PRSS16: variants seen among roughly 807,000 people sequenced by gnomAD.
The protein encoded by PRSS16 is serine protease 16.
Under a neutral mutation model 61.7 loss-of-function variants are expected in PRSS16, and 43 were observed. That is an observed-to-expected ratio of 0.70 (90% CI 0.55 to 0.90). PRSS16 has a LOEUF of 0.90. Ranked by LOEUF, PRSS16 falls within the 40% of genes least tolerant of loss-of-function variation. The pLI, the probability that PRSS16 is intolerant of heterozygous loss-of-function variation, is 0.00. For missense variants in PRSS16, 591 were observed against 659.1 expected (o/e 0.90, Z 1.13); for synonymous variants, 273 against 285.2 (o/e 0.96, Z 0.43).
In PRSS16 at chr6:27,247,881, G is replaced by T. The variant is rs749306712; in HGVS notation, c.71-1G>T. The T allele has an allele frequency of 7.5e-6, 12 of 1,610,584 alleles. No homozygotes were observed. Among genetic ancestry groups the T allele is most frequent in the Non-Finnish European group, 1.0e-5 (12 of 1,178,370 alleles). ...GACTTCCTTCCCTCCATGTCCCACAGCCTCCCTTCTTAGGCGCCTGGGTGA... is the reference window on the plus strand; with the variant it reads ...GACTTCCTTCCCTCCATGTCCCACATCCTCCCTTCTTAGGCGCCTGGGTGA... On this transcript the variant is annotated splice_acceptor_variant, in intron 1 of 11. Transcript: ENST00000230582. LOFTEE classifies it high-confidence loss of function.
chr6:27,253,097 A>G, intron 9 of PRSS16, 148 bp downstream of exon 9: 2 of 1,043,062 alleles, frequency 1.9e-6, no homozygotes, highest in South Asian at 2.8e-5. Flanking sequence ...AGAAGGTGGA[A>G]GCCATACTAG....
intron 9 of PRSS16, 115 bp from the exon 10 acceptor site, chr6:27,254,578 C>T (rs1359518139): frequency 5.8e-5 from 60 of 1,030,756 alleles, no homozygotes; most frequent in Admixed American, 3.6e-4. Flanking sequence ...GTAAACTCCT[C>T]GAAGGGAGTA....
rs554254572 is a variant in PRSS16 at position 27,256,173 on chromosome 6, TTA to T, written c.*859_*860del. ...GTGTCTCTATTTCTCTTCCTGTCACTTAATCTTTTCCTTCTCTATCTCTCTTA... is the reference window on the plus strand; with the variant it reads ...GTGTCTCTATTTCTCTTCCTGTCACTATCTTTTCCTTCTCTATCTCTCTTA... On this transcript the variant is annotated 3_prime_UTR_variant, in exon 12 of 12. Transcript: ENST00000230582. 123 of 152,614 alleles carry T rather than the reference TTA, an allele frequency of 8.1e-4. No individual in the cohort carries two copies. Among genetic ancestry groups the T allele is most frequent in the African/African-American group, 2.9e-3 (121 of 41,568 alleles). 9.5% of individuals were successfully genotyped at this position (152,614 alleles called of 1,614,324 possible). A position where few individuals can be genotyped will look rare whatever the true frequency, so the allele number is the denominator to read the frequency against.
At position 27,252,866 on chromosome 6, in the gene PRSS16, C is replaced by T. The variant is rs768214505; in HGVS notation, c.1067C>T (p.Ala356Val). 2 of 1,614,136 alleles carry T rather than the reference C, an allele frequency of 1.2e-6. No individual in the cohort carries two copies. The highest frequency in any genetic ancestry group is 1.7e-6 in the Non-Finnish European group (2 of 1,180,024). ...CLSFSRAETV[A>V]QLRSTEPQLS... ...AGCTTTTCCCGAGCAGAGACAGTGG[C>T]ACAGCTGAGGAGCACAGAACCTCAA... Residue 356 changes from alanine (A) to valine (V), a missense_variant, in exon 9 of 12, where the codon GCA becomes GTA. By Grantham distance (64) the Ala-to-Val change is moderately conservative. Coordinates refer to ENST00000230582, the MANE Select transcript of PRSS16 (RefSeq NM_005865.4). The surrounding 1 kb of genome is among the most constrained non-coding windows in gnomAD (Gnocchi z 4.2).
At chr6:27,254,493 G>C in intron 9 of PRSS16, 200 bp from the exon 10 acceptor site, 2 of 533,336 alleles carry the variant, frequency 3.7e-6, no homozygotes, top group East Asian at 6.0e-5. Context: ...CTGCCTTGTG[G>C]CCTTTTTCCA....
chr6:27,250,608 G>C, intron 4 of PRSS16, 75 bp from the exon 5 acceptor site: 2 of 1,507,702 alleles, frequency 1.3e-6, no homozygotes, highest in East Asian at 4.7e-5. Flanking sequence ...TCTGGATCCG[G>C]GTTTCCCCCA....
rs1164545149 is a variant in PRSS16 at position 27,252,879 on chromosome 6, C to T, written c.1080C>T (p.Ser360=). 5.0e-6 allele frequency: 8 copies of T among 1,614,034 alleles called. No individual in the cohort carries two copies. The highest frequency in any genetic ancestry group is 5.9e-6 in the Non-Finnish European group (7 of 1,180,026). The change falls in exon 9 of 12, where the codon AGC becomes AGT. Residue 360 remains serine, a synonymous_variant. Transcript: ENST00000230582. This position sits in a 1 kb window ranked among gnomAD's most constrained non-coding sequence, Gnocchi z 4.2. Reference sequence around the variant, plus strand: ...CAGAGACAGTGGCACAGCTGAGGAGCACAGAACCTCAACTGTCTGGTGTGG... The same window carrying T: ...CAGAGACAGTGGCACAGCTGAGGAGTACAGAACCTCAACTGTCTGGTGTGG... ...SRAETVAQLR[S]TEPQLSGVGD... is the part of the protein sequence containing the mutation.
At chr6:27,253,441 T>C in intron 9 of PRSS16, 1 of 426,100 alleles carries the variant, frequency 2.3e-6, no homozygotes, top group Non-Finnish European at 4.6e-6. Flanking sequence ...CTCATGGTTT[T>C]CACTTCCTCT....
Position 27,248,027 on chromosome 6 carries a change from C to A in PRSS16, c.216C>A (p.Ser72=). 6.2e-7 allele frequency: 1 copy of A among 1,613,668 alleles called. No individual in the cohort carries two copies. The highest frequency in any genetic ancestry group is 8.5e-7 in the Non-Finnish European group (1 of 1,179,880). The change falls in exon 2 of 12, where the codon TCC becomes TCA. Residue 72 remains serine, a synonymous_variant. Coordinates refer to ENST00000230582, the MANE Select transcript of PRSS16 (RefSeq NM_005865.4). ...AACTGCTGGACCCCTTCAACGTGTCCGACAGACGATCCTTCCTACAGGTGA... is the reference window on the plus strand; with the variant it reads ...AACTGCTGGACCCCTTCAACGTGTCAGACAGACGATCCTTCCTACAGGTGA... ...LEQLLDPFNV[S]DRRSFLQRYW... is the part of the protein sequence containing the mutation.
Position 27,255,141 on chromosome 6 carries a change from A to G in PRSS16, c.1476+10A>G, listed in dbSNP as rs1760003994. ...CCGCCTAGGGCGCCAGGTAAGAGAA[A>G]AAAGGCTCTGAATCATTTGCATTCT... is the stretch of plus-strand genomic sequence containing the variant. On this transcript the variant is annotated intron_variant, in intron 11 of 11. Coordinates refer to ENST00000230582, the MANE Select transcript of PRSS16 (RefSeq NM_005865.4). This position sits in a 1 kb window ranked among gnomAD's most constrained non-coding sequence, Gnocchi z 4.4. 6.2e-7 allele frequency: 1 copy of G among 1,613,998 alleles called. No homozygotes were observed. The highest frequency in any genetic ancestry group is 1.3e-5 in the African/African-American group (1 of 74,892).
rs1760022211 is a variant in PRSS16, at chr6:27,255,967, T to C, written c.*652T>C. 6.5e-6 allele frequency: 1 copy of C among 152,854 alleles called. No homozygotes were observed. The highest frequency in any genetic ancestry group is 2.4e-5 in the African/African-American group (1 of 41,408). 9.5% of individuals were successfully genotyped at this position (152,854 alleles called of 1,614,324 possible). Reference sequence around the variant, plus strand: ...CTCTATTTCTGACTCTCATTTTTGGTCTCTGTGTGTCTCCTAGTCACTTTC... The same window carrying C: ...CTCTATTTCTGACTCTCATTTTTGGCCTCTGTGTGTCTCCTAGTCACTTTC... On this transcript the variant is annotated 3_prime_UTR_variant, in exon 12 of 12. Coordinates refer to ENST00000230582, the MANE Select transcript of PRSS16 (RefSeq NM_005865.4). The surrounding 1 kb of genome is among the most constrained non-coding windows in gnomAD (Gnocchi z 4.4).
rs1299556667 is a variant in PRSS16, at chr6:27,251,748, A to G, written c.718-2A>G. Reference sequence around the variant, plus strand: ...GCGGACATCGCCTCTTGCTTCCCACAGTGCCGGGCGGCGGTGTCCGTCGCC... The same window carrying G: ...GCGGACATCGCCTCTTGCTTCCCACGGTGCCGGGCGGCGGTGTCCGTCGCC... On this transcript the variant is annotated splice_acceptor_variant, in intron 7 of 11. Coordinates refer to ENST00000230582, the MANE Select transcript of PRSS16 (RefSeq NM_005865.4). LOFTEE classifies it high-confidence loss of function. This position sits in a 1 kb window ranked among gnomAD's most constrained non-coding sequence, Gnocchi z 5.6. 5 of 1,597,060 alleles carry G rather than the reference A, an allele frequency of 3.1e-6. No homozygotes were observed. Among genetic ancestry groups the G allele is most frequent in the South Asian group, 2.2e-5 (2 of 89,882 alleles).
chr6:27,254,980 T>C lies in PRSS16; in HGVS notation c.1331-6T>C. 6.2e-7 allele frequency: 1 copy of C among 1,613,132 alleles called. No individual in the cohort carries two copies. The highest frequency in any genetic ancestry group is 1.1e-5 in the South Asian group (1 of 91,058). On this transcript the variant is annotated splice_region_variant and splice_polypyrimidine_tract_variant and intron_variant, in intron 10 of 11. Coordinates refer to ENST00000230582, the MANE Select transcript of PRSS16 (RefSeq NM_005865.4). ...TACCTAGCCCCATCCTATCCTTTCT[T>C]TCCAGGGGACACAGACCCCTGGCAT...
chr6:27,252,797 T>G lies in PRSS16; in HGVS notation c.1009-11T>G. The G allele has an allele frequency of 6.2e-7, 1 of 1,613,954 alleles. No individual in the cohort carries two copies. The highest frequency in any genetic ancestry group is 8.5e-7 in the Non-Finnish European group (1 of 1,179,992). On this transcript the variant is annotated splice_polypyrimidine_tract_variant and intron_variant, in intron 8 of 11. Transcript: ENST00000230582. The surrounding 1 kb of genome is among the most constrained non-coding windows in gnomAD (Gnocchi z 4.2). ...GGAATTTATGTCTTATGTATGTACATTGTTCCCTAGATTGTCTTGCACAGC... is the reference window on the plus strand; with the variant it reads ...GGAATTTATGTCTTATGTATGTACAGTGTTCCCTAGATTGTCTTGCACAGC...
chr6:27,247,757 A>G lies in PRSS16; in HGVS notation c.20A>G (p.Gln7Arg). The change falls in exon 1 of 12, where the codon CAG (glutamine) becomes CGG (arginine). Residue 7 changes from glutamine to arginine, a missense_variant. By Grantham distance (43) the Gln-to-Arg change is conservative. Transcript: ENST00000230582. MAVWLAQWLGPLLLVSL... is the reference protein window; with the variant it reads MAVWLARWLGPLLLVSL... ...AACACCATGGCCGTCTGGCTTGCCC[A>G]GTGGCTGGGCCCTCTGCTCTTGGTT... The G allele has an allele frequency of 6.3e-7, 1 of 1,586,128 alleles. No individual in the cohort carries two copies. The highest frequency in any genetic ancestry group is 8.6e-7 in the Non-Finnish European group (1 of 1,166,386).
Position 27,251,913 on chromosome 6 carries a change from G to T in PRSS16, c.881G>T (p.Gly294Val), listed in dbSNP as rs1459321524. 2 of 1,613,304 alleles carry T rather than the reference G, an allele frequency of 1.2e-6. No individual in the cohort carries two copies. The highest frequency in any genetic ancestry group is 2.2e-5 in the East Asian group (1 of 44,844). ...GGGGCGCTGCAGGCACTGGTGGGAG[G>T]TGTAGTGCAGTATGATGGGCAGACG... is the stretch of plus-strand genomic sequence containing the variant. ...LLGALQALVG[G>V]VVQYDGQTGA... The change falls in exon 8 of 12, where the codon GGT becomes GTT. Residue 294 changes from glycine to valine, a missense_variant. By Grantham distance (109) the Gly-to-Val change is moderately radical (BLOSUM62 -3). Coordinates refer to ENST00000230582, the MANE Select transcript of PRSS16 (RefSeq NM_005865.4). This position sits in a 1 kb window ranked among gnomAD's most constrained non-coding sequence, Gnocchi z 5.6.
intron 4 of PRSS16, among the ~76,000 whole-genome samples, chr6:27,250,154 C>T (rs539775336): frequency 6.6e-6 from 1 of 152,280 alleles, no homozygotes; most frequent in South Asian, 2.1e-4. Context: ...ACAAGCGAAA[C>T]GGTTTTCTAA....
In PRSS16 at chr6:27,252,759, T is replaced by A; in HGVS notation, c.1009-49T>A. On this transcript the variant is annotated intron_variant, in intron 8 of 11. Coordinates refer to ENST00000230582, the MANE Select transcript of PRSS16 (RefSeq NM_005865.4). The surrounding 1 kb of genome is among the most constrained non-coding windows in gnomAD (Gnocchi z 4.2). ...CATAGGCCTCTGCACCCTGGCTTGC[T>A]GGGAAGAGAGGAGGAATTTATGTCT... 6.2e-7 allele frequency: 1 copy of A among 1,609,910 alleles called. No homozygotes were observed. Among genetic ancestry groups the A allele is most frequent in the South Asian group, 1.1e-5 (1 of 90,844 alleles).
In PRSS16 at chr6:27,252,908, A is replaced by G; in HGVS notation, c.1109A>G (p.Asp370Gly). The change falls in exon 9 of 12, where the codon GAC (aspartate) becomes GGC (glycine). Residue 370 changes from aspartate (D) to glycine (G), a missense_variant. Physicochemically the swap from Asp to Gly is moderately conservative, Grantham distance 94. Transcript: ENST00000230582. The surrounding 1 kb of genome is among the most constrained non-coding windows in gnomAD (Gnocchi z 4.2). ...STEPQLSGVG[D>G]RQWLYQTCTE... ...GAACCTCAACTGTCTGGTGTGGGTG[A>G]CCGGCAGTGGTTGTATCAGACATGT... 6.2e-7 allele frequency: 1 copy of G among 1,614,150 alleles called. No individual in the cohort carries two copies. Among genetic ancestry groups the G allele is most frequent in the East Asian group, 2.2e-5 (1 of 44,872 alleles).
Sources: gnomAD v4.1 joint callset for allele counts (sites outside exome capture counted in the v4.1 genomes callset) on GRCh38, gnomAD v4.1.1 for gene constraint, Gnocchi (gnomAD v3.1) non-coding constraint, MANE v1.5 for transcripts, NCBI Gene and HGNC (gene_info 2026-07-23, HGNC 2026-07-21) for gene names.